Variants in EVI5 observed in about 807,000 individuals in gnomAD.
EVI5 encodes ecotropic viral integration site 5 protein homolog.
Under a neutral mutation model 112.0 loss-of-function variants are expected in EVI5, and 73 were observed. That is an observed-to-expected ratio of 0.65 (90% CI 0.54 to 0.79). The LOEUF (loss-of-function observed/expected upper bound fraction) is 0.79. EVI5 is among the 30% of genes least tolerant of loss of function. EVI5 has a pLI of 0.00. For missense variants in EVI5, 900 were observed against 968.8 expected (o/e 0.93, Z 0.94); for synonymous variants, 305 against 319.9 (o/e 0.95, Z 0.50).
chr1:92,581,967 T>C (rs990005353), intron 18 of EVI5, among the ~76,000 whole-genome samples: 1 of 152,214 alleles, frequency 6.6e-6, no homozygotes, highest in African/African-American at 2.4e-5. Flanking sequence ...AACAAGGTTC[T>C]AATGTAGTCA....
At chr1:92,732,138 T>C (rs925421864) in intron 2 of EVI5, 1 of 177,522 alleles carries the variant, frequency 5.6e-6, no homozygotes, top group Non-Finnish European at 1.2e-5. Context: ...CTCATGGTTG[T>C]CCTGAGATGA....
At chr1:92,687,961 G>A (rs184788220) in intron 9 of EVI5, among the ~76,000 whole-genome samples, 1 of 152,262 alleles carries the variant, frequency 6.6e-6, no homozygotes, top group East Asian at 1.9e-4. Context: ...CAACCATTGT[G>A]GAAGGCAGTG....
chr1:92,648,104 T>G (rs1261701876), intron 13 of EVI5, among the ~76,000 whole-genome samples: 7 of 135,534 alleles, frequency 5.2e-5, no homozygotes, highest in African/African-American at 1.9e-4. Flanking sequence ...CCCAGCACTT[T>G]GGGAGGCTGA....
At chr1:92,628,544 T>G (rs572615871) in intron 14 of EVI5, among the ~76,000 whole-genome samples, 1 of 152,322 alleles carries the variant, frequency 6.6e-6, no homozygotes, top group East Asian at 1.9e-4. Flanking sequence ...TTCTCCTACA[T>G]GTGGCTAGCC....
chr1:92,601,411 G>A (rs192204097), intron 18 of EVI5, among the ~76,000 whole-genome samples: 245 of 152,226 alleles, frequency 1.6e-3, no homozygotes, highest in African/African-American at 5.6e-3. Flanking sequence ...CTGCACTCCC[G>A]TGTTCACTGC....
intron 1 of EVI5, among the ~76,000 whole-genome samples, chr1:92,762,214 C>A (rs1681986560): frequency 6.6e-6 from 1 of 152,296 alleles, no homozygotes; most frequent in Non-Finnish European, 1.5e-5. Flanking sequence ...TATCTGTAGG[C>A]ATATAACATA....
chr1:92,547,162 T>G (rs1289161122), intron 19 of EVI5, among the ~76,000 whole-genome samples: 2 of 152,192 alleles, frequency 1.3e-5, no homozygotes, highest in Non-Finnish European at 2.9e-5. Flanking sequence ...CAGACCACAG[T>G]GCAATCAAAC....
intron 4 of EVI5, 110 bp downstream of exon 4, chr1:92,703,285 C>G (rs891537420): frequency 1.0e-5 from 7 of 669,250 alleles, no homozygotes; most frequent in Admixed American, 3.2e-5. Flanking sequence ...AATTTCACTG[C>G]CAAAGCAACT....
intron 9 of EVI5, among the ~76,000 whole-genome samples, chr1:92,685,526 A>G (rs1325774121): frequency 1.3e-5 from 2 of 152,232 alleles, no homozygotes; most frequent in Non-Finnish European, 2.9e-5. Flanking sequence ...TTCAAAAGCT[A>G]GCAGAAGGCA....
intron 9 of EVI5, among the ~76,000 whole-genome samples, chr1:92,684,480 A>G (rs1288132734): frequency 6.6e-6 from 1 of 152,234 alleles, no homozygotes; most frequent in Non-Finnish European, 1.5e-5. Flanking sequence ...GACACTGTGA[A>G]GAAACTGAAT....
chr1:92,725,994 T>C (rs981113085), intron 2 of EVI5, among the ~76,000 whole-genome samples: 2 of 152,164 alleles, frequency 1.3e-5, no homozygotes, highest in African/African-American at 4.8e-5. Flanking sequence ...GCAACTTAGA[T>C]ATGGCAAAAG....
At chr1:92,607,553 A>AC in intron 17 of EVI5, 28 bp downstream of exon 17, 1 of 1,519,698 alleles carries the variant, frequency 6.6e-7, no homozygotes, top group South Asian at 1.3e-5. Flanking sequence ...ATTGACAAAA[A>AC]ACAAAATCAG....
At chr1:92,783,426 C>A (rs12404778) in intron 1 of EVI5, among the ~76,000 whole-genome samples, 25,719 of 136,988 alleles carry the variant, frequency 0.19, 3,061 homozygotes, top group East Asian at 0.39. Context: ...CCCAGCTACT[C>A]GGGAGGCTGA....
At chr1:92,765,953 G>A (rs1682568444) in intron 1 of EVI5, among the ~76,000 whole-genome samples, 1 of 151,870 alleles carries the variant, frequency 6.6e-6, no homozygotes, top group Non-Finnish European at 1.5e-5. Flanking sequence ...GGTGGCATGT[G>A]CCTGTAGTCC....
intron 19 of EVI5, among the ~76,000 whole-genome samples, chr1:92,528,211 G>A (rs1019581567): frequency 2.0e-5 from 3 of 152,164 alleles, no homozygotes; most frequent in Non-Finnish European, 2.9e-5. Context: ...GTGAAGATAC[G>A]GAATAGGAAG....
rs1171861776 is a variant in EVI5, at chr1:92,512,153, A to G, written c.*1503T>C. The G allele has an allele frequency of 2.0e-5, 3 of 152,618 alleles. No homozygotes were observed. The highest frequency in any genetic ancestry group is 2.9e-5 in the Non-Finnish European group (2 of 68,032). 9.5% of individuals were successfully genotyped at this position (152,618 alleles called of 1,614,324 possible). A position where few individuals can be genotyped will look rare whatever the true frequency, so the allele number is the denominator to read the frequency against. ...CAGGCATCCTGTTTTCTAGGAAATAATATCTAAATGATATAGGAAAAACTG... is the reference window on the plus strand; with the variant it reads ...CAGGCATCCTGTTTTCTAGGAAATAGTATCTAAATGATATAGGAAAAACTG... On this transcript the variant is annotated 3_prime_UTR_variant, in exon 20 of 20. Transcript: ENST00000684568.
At chr1:92,520,957 G>T (rs4970708) in intron 19 of EVI5, among the ~76,000 whole-genome samples, 128,198 of 149,766 alleles carry the variant, frequency 0.86, 55,290 homozygotes, top group East Asian at 0.97. Context: ...TGAGATTGCT[G>T]CTTCTTCTTT....
At chr1:92,694,093 T>C (rs1669923898) in intron 8 of EVI5, among the ~76,000 whole-genome samples, 194 bp from the exon 9 acceptor site, 1 of 151,776 alleles carries the variant, frequency 6.6e-6, no homozygotes, top group Non-Finnish European at 1.5e-5. Context: ...GAAACCCTGT[T>C]TCTACTAAAA....
chr1:92,770,124 G>A (rs1201666724), intron 1 of EVI5, among the ~76,000 whole-genome samples: 2 of 152,202 alleles, frequency 1.3e-5, no homozygotes, highest in African/African-American at 4.8e-5. Flanking sequence ...AGAGCCTCCA[G>A]AAGAAACCAG....
Sources: gnomAD v4.1 joint callset for allele counts (sites outside exome capture counted in the v4.1 genomes callset) on GRCh38, gnomAD v4.1.1 for gene constraint, MANE v1.5 for transcripts, NCBI Gene and HGNC (gene_info 2026-07-23, HGNC 2026-07-21) for gene names.